Variants in NTRK3 observed in about 807,000 individuals in gnomAD.
The protein encoded by NTRK3 is NT-3 growth factor receptor.
NTRK3 carries 24 observed loss-of-function variants against 91.7 expected under a neutral mutation model. The ratio of observed to expected loss-of-function variants is 0.26; its 90% CI spans 0.19 to 0.37. The LOEUF is 0.37. NTRK3 is among the 10% of genes least tolerant of loss of function. The pLI is 1.00. For missense variants in NTRK3, 880 were observed against 1,068.9 expected, an observed-to-expected ratio of 0.82 and a Z score of 2.46; for synonymous variants, 483 against 404.0, an observed-to-expected ratio of 1.20 and a Z score of -2.34.
intron 5 of NTRK3, among the ~76,000 whole-genome samples, chr15:88,176,881 C>T (rs1167680255): frequency 1.3e-5 from 2 of 152,106 alleles, no homozygotes; most frequent in African/African-American, 4.8e-5. Context: ...AATTATTCAG[C>T]CACATGACGG....
At chr15:87,881,612 G>A (rs1320790461) in intron 17 of NTRK3, among the ~76,000 whole-genome samples, 1 of 151,912 alleles carries the variant, frequency 6.6e-6, no homozygotes, top group Non-Finnish European at 1.5e-5. Flanking sequence ...GTAGAGACGG[G>A]GTTTCACTGT....
intron 13 of NTRK3, among the ~76,000 whole-genome samples, chr15:88,060,582 G>C (rs1337985523): frequency 6.6e-6 from 1 of 152,044 alleles, no homozygotes; most frequent in Non-Finnish European, 1.5e-5. Flanking sequence ...GCAGCCCCAA[G>C]CCAGGCCGTG....
intron 13 of NTRK3, among the ~76,000 whole-genome samples, chr15:88,109,235 A>T (rs983748301): frequency 6.6e-6 from 1 of 152,188 alleles, no homozygotes; most frequent in Admixed American, 6.5e-5. Context: ...TGCAGTGGAC[A>T]GGTGCAGTAG....
At chr15:88,000,669 A>T (rs1222637454) in intron 14 of NTRK3, among the ~76,000 whole-genome samples, 1 of 152,180 alleles carries the variant, frequency 6.6e-6, no homozygotes, top group African/African-American at 2.4e-5. Flanking sequence ...AGCTTTAACC[A>T]TGTTGTAGCA....
intron 14 of NTRK3, among the ~76,000 whole-genome samples, chr15:87,987,412 T>G (rs1417643823): frequency 6.6e-6 from 1 of 152,108 alleles, no homozygotes; most frequent in Non-Finnish European, 1.5e-5. Context: ...TCAATAAGGG[T>G]TTCCCCAATT....
At chr15:88,108,585 C>G (rs149488877) in intron 13 of NTRK3, among the ~76,000 whole-genome samples, 217 of 152,332 alleles carry the variant, frequency 1.4e-3, no homozygotes, top group African/African-American at 5.0e-3. Context: ...TAATCCAAAT[C>G]CCTCCAATTA....
chr15:88,020,572 G>A (rs1462646308), intron 14 of NTRK3, among the ~76,000 whole-genome samples: 1 of 152,164 alleles, frequency 6.6e-6, no homozygotes, highest in East Asian at 1.9e-4. Flanking sequence ...AAATATTGCT[G>A]TCAAGGCAAG....
At chr15:88,158,584 T>G (rs1224919288) in intron 5 of NTRK3, among the ~76,000 whole-genome samples, 2 of 152,250 alleles carry the variant, frequency 1.3e-5, no homozygotes, top group East Asian at 3.9e-4. Context: ...TTTCTTCATG[T>G]TGTCTGCTTT....
chr15:87,953,018 T>C (rs77723962), intron 14 of NTRK3, among the ~76,000 whole-genome samples: 2,929 of 152,310 alleles, frequency 0.019, 97 homozygotes, highest in African/African-American at 0.067. Flanking sequence ...TCCGCGATCC[T>C]GGATCCATGC....
intron 13 of NTRK3, among the ~76,000 whole-genome samples, chr15:88,037,902 A>G (rs1224502488): frequency 6.6e-6 from 1 of 152,240 alleles, no homozygotes; most frequent in African/African-American, 2.4e-5. Flanking sequence ...AGCACAGAGC[A>G]GTGACCTGCC....
chr15:87,946,000 T>C (rs186268600), intron 14 of NTRK3, among the ~76,000 whole-genome samples: 60 of 152,328 alleles, frequency 3.9e-4, no homozygotes, highest in Non-Finnish European at 7.3e-5. Flanking sequence ...ATCTAAAATA[T>C]ATTAGACATT....
intron 5 of NTRK3, among the ~76,000 whole-genome samples, chr15:88,172,181 C>G (rs1476498726): frequency 6.6e-6 from 1 of 152,062 alleles, no homozygotes; most frequent in Non-Finnish European, 1.5e-5. Flanking sequence ...AAGGGGTTAA[C>G]CCAGCAAGAA....
In NTRK3 at chr15:88,255,965, C is replaced by T. The variant is rs1287288406; in HGVS notation, c.189G>A (p.Gly63=). 1.2e-6 allele frequency: 2 copies of T among 1,613,452 alleles called. No individual in the cohort carries two copies. Among genetic ancestry groups the T allele is most frequent in the Admixed American group, 3.3e-5 (2 of 59,986 alleles). The change falls in exon 3 of 19, where the codon GGG becomes GGA. Residue 63 remains glycine (G), a synonymous_variant. Transcript: ENST00000394480. This position sits in a 1 kb window ranked among gnomAD's most constrained non-coding sequence, Gnocchi z 4.3. The stretch of plus-strand genomic sequence containing the variant: ...TGATACTGGCGTTCCCATTGCTGTT[C>T]CCTGAATCCTGCCCTTCCAGGAGGG...
intron 13 of NTRK3, among the ~76,000 whole-genome samples, chr15:88,123,611 C>G (rs1368447728): frequency 6.6e-6 from 1 of 152,190 alleles, no homozygotes; most frequent in African/African-American, 2.4e-5. Flanking sequence ...GAACATGTGC[C>G]TAAGGTGGCT....
chr15:88,000,309 C>T (rs894107213), intron 14 of NTRK3, among the ~76,000 whole-genome samples: 4 of 152,224 alleles, frequency 2.6e-5, no homozygotes, highest in Non-Finnish European at 5.9e-5. Context: ...TGAGAATTCT[C>T]ACAATCGAAC....
chr15:88,147,286 C>T (rs746275315), intron 6 of NTRK3, 49 bp downstream of exon 6: 1 of 1,538,098 alleles, frequency 6.5e-7, no homozygotes, highest in East Asian at 2.2e-5. Flanking sequence ...TCCCCATCCA[C>T]CCATTACCAG....
At position 88,086,212 on chromosome 15, in the gene NTRK3, G is replaced by A. The variant is rs539065415; in HGVS notation, c.1396+40059C>T. Among the ~76,000 whole-genome samples the A allele has an allele frequency of 3.9e-5, 6 of 152,232 alleles. No homozygotes were observed. The East Asian group carries it at 7.7e-4, about 20-fold the overall frequency. On this transcript the variant is annotated intron_variant, in intron 13 of 18. Transcript: ENST00000394480. ...CACGACTGCAGATATTGCACATGACGCCTCCATTATTTGTTCAAGTGTTCA... is the reference window on the plus strand; with the variant it reads ...CACGACTGCAGATATTGCACATGACACCTCCATTATTTGTTCAAGTGTTCA...
At chr15:88,208,260 C>T (rs529853331) in intron 3 of NTRK3, among the ~76,000 whole-genome samples, 5 of 152,106 alleles carry the variant, frequency 3.3e-5, no homozygotes, top group African/African-American at 1.2e-4. Flanking sequence ...CTCCCACACT[C>T]AAGGGGATCC....
chr15:87,872,066 C>T (rs545093214), exon 19 of NTRK3: 108 of 221,102 alleles, frequency 4.9e-4, no homozygotes, highest in Non-Finnish European at 8.6e-4. Context: ...CTAAATGTGC[C>T]ATTTTTTTTT....
Sources: allele counts gnomAD v4.1 joint callset (sites outside exome capture counted in the v4.1 genomes callset), GRCh38; gene constraint gnomAD v4.1.1; non-coding constraint Gnocchi (gnomAD v3.1); transcripts MANE v1.5; gene names NCBI Gene and HGNC (gene_info 2026-07-23, HGNC 2026-07-21).